Variants in KCNH5 observed in about 807,000 individuals in gnomAD.
The protein encoded by KCNH5 is potassium voltage-gated channel subfamily H member 5.
Under a neutral mutation model 96.1 loss-of-function variants are expected in KCNH5, and 46 were observed. The observed-to-expected ratio is 0.48, with a 90% CI of 0.38 to 0.61. The LOEUF (loss-of-function observed/expected upper bound fraction) is 0.61, where lower values mean the gene tolerates loss of function less well. KCNH5 is among the 20% of genes least tolerant of loss of function. KCNH5 has a pLI of 0.00. For missense variants in KCNH5, 907 were observed against 1,225.8 expected (o/e 0.74, Z 3.88); for synonymous variants, 439 against 449.8 (o/e 0.98, Z 0.30).
intron 9 of KCNH5, among the ~76,000 whole-genome samples, chr14:62,788,146 C>T (rs1330962749): frequency 6.6e-6 from 1 of 152,172 alleles, no homozygotes; most frequent in Non-Finnish European, 1.5e-5. Context: ...ATTCAGAACA[C>T]TTGTGATTCA....
intron 6 of KCNH5, among the ~76,000 whole-genome samples, chr14:62,977,428 T>C (rs1195338213): frequency 6.6e-6 from 1 of 152,002 alleles, no homozygotes; most frequent in Non-Finnish European, 1.5e-5. Flanking sequence ...AAGGATGATA[T>C]ATTGTGAGAA....
intron 10 of KCNH5, among the ~76,000 whole-genome samples, chr14:62,771,916 T>A (rs1885995956): frequency 6.6e-6 from 1 of 152,178 alleles, no homozygotes; most frequent in Non-Finnish European, 1.5e-5. Context: ...CAAGAGGGTT[T>A]ATACCCACCG....
chr14:62,942,871 T>C (rs1028505582), intron 7 of KCNH5, among the ~76,000 whole-genome samples: 3 of 152,218 alleles, frequency 2.0e-5, no homozygotes. Flanking sequence ...AAGACTCAGT[T>C]TGCATTGCAT....
intron 10 of KCNH5, among the ~76,000 whole-genome samples, chr14:62,754,556 T>C (rs1203754910): frequency 2.0e-5 from 3 of 150,686 alleles, no homozygotes; most frequent in Non-Finnish European, 3.0e-5. Context: ...GGATAGAAAA[T>C]GGTATTTCAT....
chr14:62,949,844 C>A, intron 7 of KCNH5: 5 of 170,950 alleles, frequency 2.9e-5, no homozygotes, highest in East Asian at 1.6e-4. Context: ...CCAACAAAAT[C>A]TATGGAATGT....
At chr14:63,042,255 G>T (rs1891838470) in intron 1 of KCNH5, among the ~76,000 whole-genome samples, 1 of 151,986 alleles carries the variant, frequency 6.6e-6, no homozygotes, top group Non-Finnish European at 1.5e-5. Context: ...CTCTCTGTCT[G>T]TAGGGTGGTG....
Position 62,981,009 on chromosome 14 carries a change from T to C in KCNH5, c.805A>G (p.Thr269Ala). 2 of 1,614,092 alleles carry C rather than the reference T, an allele frequency of 1.2e-6. No individual in the cohort carries two copies. The highest frequency in any genetic ancestry group is 1.7e-6 in the Non-Finnish European group (2 of 1,180,022). ...LVDIVLNFHTTFVGPGGEVIS... is the reference protein window; with the variant it reads ...LVDIVLNFHTAFVGPGGEVIS... Reference sequence around the variant, plus strand: ...ACCTCTCCACCGGGCCCCACGAAAGTCGTGTGAAAATTTAAAACGATGTCA... The same window carrying C: ...ACCTCTCCACCGGGCCCCACGAAAGCCGTGTGAAAATTTAAAACGATGTCA... Residue 269 changes from threonine (T) to alanine (A), a missense_variant, in exon 6 of 11, where the codon ACT becomes GCT. Around this residue, in one of 6 missense-constraint regions of KCNH5, gnomAD observed 370 missense variants for 561.3 expected, o/e 0.66. Coordinates refer to ENST00000322893, the MANE Select transcript of KCNH5 (RefSeq NM_139318.5).
Position 62,853,080 on chromosome 14 carries a change from C to T in KCNH5, c.1370-3228G>A, listed in dbSNP as rs796914110. ...ACCTCTGCAAACAGCAAAGCCATAC[C>T]TAGTTGCTCAGATCAAAAACCTCAA... On this transcript the variant is annotated intron_variant, in intron 7 of 10. Transcript: ENST00000322893. Among the ~76,000 whole-genome samples the T allele has an allele frequency of 1.6e-4, 25 of 152,274 alleles. 1 individual carries two copies. Among genetic ancestry groups the T allele is most frequent in the African/African-American group, 5.5e-4 (23 of 41,554 alleles).
intron 4 of KCNH5, among the ~76,000 whole-genome samples, chr14:62,992,028 T>A (rs866862109): frequency 6.6e-6 from 1 of 151,990 alleles, no homozygotes. Flanking sequence ...ACTCTCTACA[T>A]CCATGTGTAC....
In KCNH5 at chr14:62,708,436, C is replaced by A. The variant is rs755570943; in HGVS notation, c.2039G>T (p.Ser680Ile). 3.1e-6 allele frequency: 5 copies of A among 1,598,464 alleles called. No individual in the cohort carries two copies. Among genetic ancestry groups the A allele is most frequent in the Non-Finnish European group, 4.3e-6 (5 of 1,174,458 alleles). Residue 680 changes from serine to isoleucine, a missense_variant, in exon 11 of 11, where the codon AGT (serine) becomes ATT (isoleucine). Physicochemically the swap from Ser to Ile is moderately radical, Grantham distance 142. Transcript: ENST00000322893. ...LRKRIIFRKI[S>I]DVKKEEEERL... ...CTCCTCCTCCTCTTTCTTCACATCA[C>A]TGATCTTACGAAAGATGATCTGTGG...
chr14:63,011,254 G>T (rs946389909), intron 2 of KCNH5, among the ~76,000 whole-genome samples: 1 of 152,026 alleles, frequency 6.6e-6, no homozygotes. Context: ...AGGCTGAGGC[G>T]GGCAGATCAC....
chr14:62,816,458 G>A (rs980002398), intron 8 of KCNH5, among the ~76,000 whole-genome samples: 2 of 151,390 alleles, frequency 1.3e-5, no homozygotes, highest in Admixed American at 1.3e-4. Flanking sequence ...AGCAGACCCT[G>A]ATCGATATGT....
intron 4 of KCNH5, among the ~76,000 whole-genome samples, chr14:63,000,857 T>C (rs531921901): frequency 2.2e-4 from 34 of 152,290 alleles, no homozygotes; most frequent in Admixed American, 1.8e-3. Context: ...GTCAGATAAC[T>C]TGAGCCCAAG....
intron 7 of KCNH5, among the ~76,000 whole-genome samples, chr14:62,942,410 T>G (rs1245128776): frequency 6.6e-6 from 1 of 152,212 alleles, no homozygotes; most frequent in East Asian, 1.9e-4. Context: ...ATCTTCTATT[T>G]ATTTCCTTTT....
intron 4 of KCNH5, among the ~76,000 whole-genome samples, chr14:62,998,006 G>C (rs1461653843): frequency 1.3e-5 from 2 of 151,802 alleles, no homozygotes; most frequent in Non-Finnish European, 2.9e-5. Flanking sequence ...CCTCAGAATA[G>C]GTTAAGAGAG....
intron 4 of KCNH5, among the ~76,000 whole-genome samples, chr14:62,991,013 C>T (rs1890799149): frequency 6.6e-6 from 1 of 152,010 alleles, no homozygotes; most frequent in African/African-American, 2.4e-5. Flanking sequence ...TGAGGTCCCT[C>T]CCCCAATGTG....
intron 8 of KCNH5, among the ~76,000 whole-genome samples, chr14:62,827,870 T>C (rs575384744): frequency 6.6e-6 from 1 of 152,226 alleles, no homozygotes; most frequent in African/African-American, 2.4e-5. Context: ...CATGTTTTGA[T>C]GGGCACCAAC....
At chr14:62,823,036 C>T (rs1887146939) in intron 8 of KCNH5, among the ~76,000 whole-genome samples, 1 of 151,996 alleles carries the variant, frequency 6.6e-6, no homozygotes, top group Non-Finnish European at 1.5e-5. Context: ...ACTGTAGAAT[C>T]CTGGTCTAAT....
chr14:62,707,492 T>C lies in KCNH5; in HGVS notation c.*16A>G, dbSNP rs1340731500. On this transcript the variant is annotated 3_prime_UTR_variant, in exon 11 of 11. Transcript: ENST00000322893. ...TATACTGTTTTAATATATTAACAAA[T>C]ATATATGTATATATATTAAAAGTGG... The C allele has an allele frequency of 3.2e-6, 4 of 1,256,626 alleles. No individual in the cohort carries two copies. The highest frequency in any genetic ancestry group is 4.2e-6 in the Non-Finnish European group (4 of 949,422). 77.8% of individuals were successfully genotyped at this position (1,256,626 alleles called of 1,614,324 possible). A position where few individuals can be genotyped will look rare whatever the true frequency, so the allele number is the denominator to read the frequency against.
Sources: gnomAD v4.1 joint callset for allele counts (sites outside exome capture counted in the v4.1 genomes callset) on GRCh38, gnomAD v4.1.1 for gene constraint, gnomAD v4.1.1 regional missense constraint, MANE v1.5 for transcripts, NCBI Gene and HGNC (gene_info 2026-07-23, HGNC 2026-07-21) for gene names.